Variants in ARHGAP6 observed in about 807,000 individuals in gnomAD.
ARHGAP6 encodes the protein rho GTPase-activating protein 6.
A neutral mutation model predicts 55.7 loss-of-function variants in ARHGAP6; 16 were observed. That is an observed-to-expected ratio of 0.29 (90% CI 0.19 to 0.44). The LOEUF (loss-of-function observed/expected upper bound fraction) is 0.44. Among genes scored for constraint, ARHGAP6 ranks in the 20% least tolerant of loss-of-function variants. The probability of loss-of-function intolerance (pLI) is 1.00; values close to 1 mark genes in which losing one functional copy is unlikely to be tolerated. For missense variants in ARHGAP6, 698 were observed against 808.9 expected (o/e 0.86, Z 1.66); for synonymous variants, 382 against 360.9 (o/e 1.06, Z -0.66).
chrX:11,361,808 G>GA (rs1248007263), intron 1 of ARHGAP6, among the ~76,000 whole-genome samples: 1 of 110,139 alleles, frequency 9.1e-6, no homozygotes, highest in Non-Finnish European at 1.9e-5. Context: ...AAATTTACAA[G>GA]AAAAAAACGA....
At chrX:11,506,048 A>C (rs1603235313) in intron 1 of ARHGAP6, among the ~76,000 whole-genome samples, 1 of 111,326 alleles carries the variant, frequency 9.0e-6, no homozygotes, top group Non-Finnish European at 1.9e-5. Flanking sequence ...ATAAAAGTTA[A>C]AAAAAGAACA....
intron 1 of ARHGAP6, among the ~76,000 whole-genome samples, chrX:11,652,749 T>C (rs1006776806): frequency 3.6e-5 from 4 of 111,707 alleles, no homozygotes; most frequent in Admixed American, 9.5e-5. Flanking sequence ...TCTATTATAA[T>C]CTAAAGGCAG....
chrX:11,201,745 A>G (rs916507500), intron 2 of ARHGAP6, among the ~76,000 whole-genome samples: 1 of 111,485 alleles, frequency 9.0e-6, no homozygotes, highest in Non-Finnish European at 1.9e-5. Flanking sequence ...AAAGCCCCTT[A>G]TAAGACCAAC....
intron 1 of ARHGAP6, among the ~76,000 whole-genome samples, chrX:11,505,108 G>C (rs1273243272): frequency 9.0e-6 from 1 of 110,677 alleles, no homozygotes; most frequent in Non-Finnish European, 1.9e-5. Context: ...TGACAAGCCA[G>C]TAAATAAGAC....
chrX:11,358,639 C>A (rs2048968787), intron 1 of ARHGAP6, among the ~76,000 whole-genome samples: 1 of 110,434 alleles, frequency 9.1e-6, no homozygotes, highest in East Asian at 2.8e-4. Context: ...GCCACCACAC[C>A]CAGCTAATTT....
At chrX:11,354,307 CTCTCTCTCTCTCTCTCTCTCTA>C (rs2048902470) in intron 1 of ARHGAP6, among the ~76,000 whole-genome samples, 3 of 62,514 alleles carry the variant, frequency 4.8e-5, no homozygotes, top group African/African-American at 1.3e-4. Context: ...CTCTCTCTCT[CTCTCTCTCTCTCTCTCTCTCTA>C]TATATATATA....
intron 1 of ARHGAP6, among the ~76,000 whole-genome samples, chrX:11,553,004 G>A (rs1172054929): frequency 9.0e-6 from 1 of 110,834 alleles, no homozygotes; most frequent in African/African-American, 3.3e-5. Context: ...ATAAGTATGT[G>A]AGGTAATGCA....
chrX:11,189,104 A>G, intron 3 of ARHGAP6, 120 bp from the exon 4 acceptor site: 1 of 873,513 alleles, frequency 1.1e-6, no homozygotes, highest in Non-Finnish European at 1.6e-6. Context: ...TGAAGAATTG[A>G]CTCATCAATC....
intron 1 of ARHGAP6, among the ~76,000 whole-genome samples, chrX:11,417,512 G>A (rs778010805): frequency 9.0e-6 from 1 of 110,859 alleles, no homozygotes; most frequent in East Asian, 2.8e-4. Context: ...CTGGTAAAAT[G>A]AGAATCTGTA....
At position 11,664,527 on chromosome X, in the gene ARHGAP6, G is replaced by A; in HGVS notation, c.302C>T (p.Ser101Leu). 8.3e-7 allele frequency: 1 copy of A among 1,202,742 alleles called. No homozygotes were observed. The highest frequency in any genetic ancestry group is 1.1e-6 in the Non-Finnish European group (1 of 890,617). ...CGGGGTGCTGGGTGTGGAGAAGGAC[G>A]AGCAAAGAGGTCCAGGAGGCGGTAG... ...TRLPPPGPLC[S>L]SFSTPSTPQE... The change falls in exon 1 of 13, where the codon TCG becomes TTG. Residue 101 changes from serine (S) to leucine (L), a missense_variant. This residue lies in a region of ARHGAP6 where 164 missense variants were observed against 149.2 expected (regional missense o/e 1.10). Coordinates refer to ENST00000337414, the MANE Select transcript of ARHGAP6 (RefSeq NM_013427.3).
Position 11,664,604 on chromosome X carries a change from G to A in ARHGAP6, c.225C>T (p.Leu75=). ...LYSPSLPAES[L]GPRLASSSRG... ...GGGAAGAGGACGCCAAGCGAGGGCC[G>A]AGACTCTCGGCTGGGAGTGATGGGG... The change falls in exon 1 of 13, where the codon CTC becomes CTT. Residue 75 remains leucine, a synonymous_variant. Transcript: ENST00000337414. 1 of 1,173,707 alleles carries A rather than the reference G, an allele frequency of 8.5e-7. No homozygotes were observed. Among genetic ancestry groups the A allele is most frequent in the Non-Finnish European group, 1.1e-6 (1 of 876,236 alleles).
intron 1 of ARHGAP6, among the ~76,000 whole-genome samples, chrX:11,527,233 C>A (rs1399842819): frequency 9.0e-6 from 1 of 111,593 alleles, no homozygotes; most frequent in Non-Finnish European, 1.9e-5. Flanking sequence ...GTTTCCATAT[C>A]TGTAAAACAA....
At chrX:11,261,848 T>C (rs995929717) in intron 1 of ARHGAP6, among the ~76,000 whole-genome samples, 39 of 111,400 alleles carry the variant, frequency 3.5e-4, no homozygotes, top group African/African-American at 1.2e-3. Flanking sequence ...AGCTAGAAGA[T>C]AGAGGCTAGG....
At chrX:11,660,559 A>C (rs866213811) in intron 1 of ARHGAP6, among the ~76,000 whole-genome samples, 2,065 of 81,110 alleles carry the variant, frequency 0.025, 196 homozygotes, top group African/African-American at 0.085. Flanking sequence ...AAAAAAAAAA[A>C]AAAAAAAAAA....
chrX:11,383,445 C>T (rs1484101960), intron 1 of ARHGAP6, among the ~76,000 whole-genome samples: 2 of 110,798 alleles, frequency 1.8e-5, no homozygotes, highest in African/African-American at 6.6e-5. Flanking sequence ...AAGATATGCC[C>T]CCTTCTCTCT....
intron 1 of ARHGAP6, among the ~76,000 whole-genome samples, chrX:11,329,694 A>G (rs1179107755): frequency 8.9e-6 from 1 of 111,958 alleles, no homozygotes; most frequent in African/African-American, 3.2e-5. Flanking sequence ...ACAAAGAGTT[A>G]CATACAAAAA....
chrX:11,506,731 T>C (rs2050737339), intron 1 of ARHGAP6, among the ~76,000 whole-genome samples: 1 of 111,728 alleles, frequency 9.0e-6, no homozygotes, highest in African/African-American at 3.3e-5. Context: ...GCAGCATGAT[T>C]TATAATCCTT....
rs773245144 is a variant in ARHGAP6 at position 11,424,311 on chromosome X, A to T, written c.589-169604T>A. ...AAACAGAAAACCTGCATAAGGCAGC[A>T]ATTGGATTTCAGACTGAAATTGACC... On this transcript the variant is annotated intron_variant, in intron 1 of 12. Coordinates refer to ENST00000337414, the MANE Select transcript of ARHGAP6 (RefSeq NM_013427.3). 3.5e-5 allele frequency among the ~76,000 whole-genome samples: 4 copies of T among 112,795 alleles called. No homozygotes were observed. The South Asian group carries it at 1.5e-3, about 41-fold the overall frequency.
chrX:11,472,194 C>T (rs1234148115), intron 1 of ARHGAP6, among the ~76,000 whole-genome samples: 1 of 111,215 alleles, frequency 9.0e-6, no homozygotes, highest in African/African-American at 3.3e-5. Context: ...TTAGCAGCAT[C>T]CCTGGTCTCC....
Sources: allele counts gnomAD v4.1 joint callset (sites outside exome capture counted in the v4.1 genomes callset), GRCh38; gene constraint gnomAD v4.1.1; regional missense constraint gnomAD v4.1.1; transcripts MANE v1.5; gene names NCBI Gene and HGNC (gene_info 2026-07-23, HGNC 2026-07-21).